Variants in MRPL45 observed in about 807,000 individuals in gnomAD.
MRPL45 encodes the protein mitochondrial ribosomal protein L45, also known as large ribosomal subunit protein mL45.
MRPL45 carries 20 observed loss-of-function variants against 38.1 expected under a neutral mutation model. The ratio of observed to expected loss-of-function variants is 0.53; its 90% CI spans 0.37 to 0.76. MRPL45 has a LOEUF of 0.76. Among genes scored for constraint, MRPL45 ranks in the 30% least tolerant of loss-of-function variants. The probability of loss-of-function intolerance (pLI) is 0.00; values close to 1 mark genes in which losing one functional copy is unlikely to be tolerated. For synonymous variants in MRPL45, 105 were observed against 128.8 expected (o/e 0.82, Z 1.25); for missense variants, 337 against 395.6 (o/e 0.85, Z 1.26).
At chr17:38,317,561 GTTTTTTTTGTTTTGTTTTGTT>G (rs985731865) in intron 4 of MRPL45, among the ~76,000 whole-genome samples, 5 of 151,478 alleles carry the variant, frequency 3.3e-5, no homozygotes, top group African/African-American at 1.2e-4. Flanking sequence ...TCTGTTTTGT[GTTTTTTTTGTTTTGTTTTGTT>G]TTTTTTTGAG....
chr17:38,306,910 A>G (rs1404471729), intron 4 of MRPL45, among the ~76,000 whole-genome samples: 3 of 152,000 alleles, frequency 2.0e-5, no homozygotes, highest in East Asian at 1.9e-4. Flanking sequence ...TTTTCACCCT[A>G]TCTGATCCCT....
In MRPL45 at chr17:38,299,425, G is replaced by A. The variant is rs565835633; in HGVS notation, c.319G>A (p.Glu107Lys). ...ATCTCTTTCAAAGGAGGGACTGATA[G>A]AGAGAACTGAACGAATGAAGAAGAC... ...ISSLSKEGLI[E>K]RTERMKKTMA... Residue 107 changes from glutamate to lysine, a missense_variant, in exon 3 of 8, where the codon GAG (glutamate) becomes AAG (lysine). Physicochemically the swap from Glu to Lys is moderately conservative, Grantham distance 56. Transcript: ENST00000613675. The A allele has an allele frequency of 2.2e-5, 36 of 1,611,964 alleles. No individual in the cohort carries two copies. The Admixed American group carries it at 4.9e-4, about 22-fold the overall frequency.
At chr17:38,315,394 A>G (rs2037163492) in intron 4 of MRPL45, among the ~76,000 whole-genome samples, 1 of 151,232 alleles carries the variant, frequency 6.6e-6, no homozygotes, top group Non-Finnish European at 1.5e-5. Context: ...AGCTGGGACT[A>G]CAGGTGTGTG....
In MRPL45 at chr17:38,320,648, G is replaced by A. The variant is rs767325233; in HGVS notation, c.541G>A (p.Val181Ile). 12 of 1,614,024 alleles carry A rather than the reference G, an allele frequency of 7.4e-6. No homozygotes were observed. In the Admixed American group the frequency reaches 1.5e-4, roughly 20 times the overall value. The change falls in exon 6 of 8, where the codon GTC becomes ATC. Residue 181 changes from valine to isoleucine, a missense_variant. Physicochemically the swap from Val to Ile is conservative, Grantham distance 29 (BLOSUM62 3). This residue lies in a region of MRPL45 where 251 missense variants were observed against 269.1 expected (regional missense o/e 0.93). Transcript: ENST00000613675. ...DMTWDIKYKT[V>I]RWSFVESLEP... ...GACTTGGGACATCAAATATAAGACC[G>A]TCCGCTGGAGCTTTGTGGAATCTTT...
intron 4 of MRPL45, among the ~76,000 whole-genome samples, chr17:38,316,469 T>G (rs2144232968): frequency 6.6e-6 from 1 of 152,200 alleles, no homozygotes; most frequent in South Asian, 2.1e-4. Flanking sequence ...ATTTGTGTCT[T>G]TACTAATAAT....
chr17:38,321,602 A>G (rs1237825468), intron 6 of MRPL45, among the ~76,000 whole-genome samples: 1 of 152,068 alleles, frequency 6.6e-6, no homozygotes, highest in Non-Finnish European at 1.5e-5. Context: ...GAGGCAGGAG[A>G]ATCGCTTGAA....
intron 6 of MRPL45, among the ~76,000 whole-genome samples, chr17:38,320,982 T>A (rs2037224357): frequency 6.6e-6 from 1 of 152,080 alleles, no homozygotes; most frequent in Non-Finnish European, 1.5e-5. Context: ...TTCCTGATTT[T>A]TTTTTTTCCC....
At chr17:38,313,354 ATATATATATATACG>A (rs2037142298) in intron 4 of MRPL45, among the ~76,000 whole-genome samples, 18 of 18,974 alleles carry the variant, frequency 9.5e-4, no homozygotes, top group African/African-American at 3.9e-3. Flanking sequence ...ATACGTATAT[ATATATATATATACG>A]TATATATATA....
At chr17:38,298,066 T>C (rs76550089) in intron 1 of MRPL45, among the ~76,000 whole-genome samples, 125,007 of 152,032 alleles carry the variant, frequency 0.82, 51,994 homozygotes, top group East Asian at 1. Context: ...CATCGCACTC[T>C]AGGCTAGCGA....
chr17:38,306,322 T>C (rs1370117966), intron 3 of MRPL45, among the ~76,000 whole-genome samples: 1 of 149,212 alleles, frequency 6.7e-6, no homozygotes. Context: ...GGCAGGAGAA[T>C]GGCGTGAACC....
intron 3 of MRPL45, among the ~76,000 whole-genome samples, chr17:38,299,974 C>T (rs2036976086): frequency 6.6e-6 from 1 of 151,862 alleles, no homozygotes; most frequent in African/African-American, 2.4e-5. Flanking sequence ...GAACTCCTGA[C>T]CTCAGGAGGC....
chr17:38,315,693 T>C (rs2037166473), intron 4 of MRPL45, among the ~76,000 whole-genome samples: 1 of 152,040 alleles, frequency 6.6e-6, no homozygotes, highest in Non-Finnish European at 1.5e-5. Flanking sequence ...GATGTACATA[T>C]GAATGTCTTT....
At chr17:38,307,500 C>G (rs2037067034) in intron 4 of MRPL45, among the ~76,000 whole-genome samples, 1 of 152,016 alleles carries the variant, frequency 6.6e-6, no homozygotes, top group African/African-American at 2.4e-5. Flanking sequence ...CCACCACACC[C>G]AGCTAATTAA....
chr17:38,320,497 T>C (rs2037218612), intron 5 of MRPL45, 121 bp from the exon 6 acceptor site: 1 of 971,624 alleles, frequency 1.0e-6, no homozygotes, highest in East Asian at 2.4e-5. Flanking sequence ...CAAGAGAGCA[T>C]GTGGTGGGAA....
intron 3 of MRPL45, among the ~76,000 whole-genome samples, chr17:38,305,506 CT>C (rs1012441229): frequency 1.3e-5 from 2 of 148,320 alleles, no homozygotes; most frequent in Non-Finnish European, 3.0e-5. Context: ...TATTCTGACT[CT>C]TTTTTTTGAG....
At chr17:38,308,939 G>A (rs141770794) in intron 4 of MRPL45, among the ~76,000 whole-genome samples, 2,195 of 148,608 alleles carry the variant, frequency 0.015, 48 homozygotes, top group African/African-American at 0.051. Flanking sequence ...ACAGAGTCTC[G>A]CTCTGTCACC....
intron 3 of MRPL45, among the ~76,000 whole-genome samples, chr17:38,301,468 G>A (rs1481772162): frequency 6.6e-6 from 1 of 152,040 alleles, no homozygotes; most frequent in Non-Finnish European, 1.5e-5. Context: ...TTGAACTCCC[G>A]ACCTCAGGTG....
At chr17:38,298,655 G>A (rs1335866173) in intron 2 of MRPL45, 29 bp downstream of exon 2, 1 of 1,498,432 alleles carries the variant, frequency 6.7e-7, no homozygotes, top group African/African-American at 1.4e-5. Flanking sequence ...CCTGACCTGG[G>A]ATCCTTCTGT....
intron 4 of MRPL45, among the ~76,000 whole-genome samples, chr17:38,306,888 GA>G (rs2037060867): frequency 6.6e-6 from 1 of 152,174 alleles, no homozygotes; most frequent in Non-Finnish European, 1.5e-5. Flanking sequence ...CCTTGTGCCA[GA>G]ATAGCTGCCT....
Sources: gnomAD v4.1 joint callset for allele counts (sites outside exome capture counted in the v4.1 genomes callset) on GRCh38, gnomAD v4.1.1 for gene constraint, gnomAD v4.1.1 regional missense constraint, MANE v1.5 for transcripts, NCBI Gene and HGNC (gene_info 2026-07-23, HGNC 2026-07-21) for gene names.